The following TROAP variants were observed in gnomAD, a reference collection of about 807,000 sequenced individuals.
TROAP encodes trophinin associated protein.
TROAP carries 62 observed loss-of-function variants against 83.4 expected under a neutral mutation model. The ratio of observed to expected loss-of-function variants is 0.74; its 90% CI spans 0.61 to 0.92. TROAP has a LOEUF of 0.92. Among genes scored for constraint, TROAP ranks in the 40% least tolerant of loss-of-function variants. The pLI, the probability that TROAP is intolerant of heterozygous loss-of-function variation, is 0.00. For synonymous variants in TROAP, 352 were observed against 386.4 expected, an observed-to-expected ratio of 0.91 and a Z score of 1.04; for missense variants, 876 against 985.1, an observed-to-expected ratio of 0.89 and a Z score of 1.48.
chr12:49,330,221 G>A lies in TROAP; in HGVS notation c.1376G>A (p.Gly459Glu), dbSNP rs755439952. 1.9e-6 allele frequency: 3 copies of A among 1,614,116 alleles called. No homozygotes were observed. In the East Asian group the frequency reaches 6.7e-5, roughly 36 times the overall value. Residue 459 changes from glycine to glutamate, a missense_variant, in exon 13 of 15, where the codon GGA becomes GAA. By Grantham distance (98) the Gly-to-Glu change is moderately conservative. Transcript: ENST00000257909. ...LVGGQCVPLN[G>E]GSSLDMVELQ... ...GGGGGCCAGTGTGTCCCTCTTAATGGAGGCTCTTCTCTGGATATGGTTGAA... is the reference window on the plus strand; with the variant it reads ...GGGGGCCAGTGTGTCCCTCTTAATGAAGGCTCTTCTCTGGATATGGTTGAA...
Position 49,330,432 on chromosome 12 carries a change from T to G in TROAP, c.1587T>G (p.Ser529Arg). Residue 529 changes from serine to arginine, a missense_variant, in exon 13 of 15, where the codon AGT becomes AGG. Around this residue, in one of 3 missense-constraint regions of TROAP, gnomAD observed 689 missense variants for 722.6 expected, o/e 0.95. Transcript: ENST00000257909. Reference protein sequence around the residue: ...EPGPPEAFCRSEPEIPEPSLQ... With the variant: ...EPGPPEAFCRREPEIPEPSLQ... The stretch of plus-strand genomic sequence containing the variant: ...GGCCCCCAGAGGCCTTCTGTAGGAG[T>G]GAGCCTGAGATACCAGAGCCCTCCC... 6.2e-7 allele frequency: 1 copy of G among 1,613,360 alleles called. No homozygotes were observed. The highest frequency in any genetic ancestry group is 8.5e-7 in the Non-Finnish European group (1 of 1,179,804).
rs372620191 is a variant in TROAP at position 49,326,092 on chromosome 12, C to T, written c.650C>T (p.Pro217Leu). The change falls in exon 6 of 15, where the codon CCT (proline) becomes CTT (leucine). Residue 217 changes from proline to leucine, a missense_variant. Physicochemically the swap from Pro to Leu is moderately conservative, Grantham distance 98. Transcript: ENST00000257909. ...RLQALISPSG[P>L]SFHPSTRPSF... ...GTGGATCAGATTTCACCTTCAGGAC[C>T]TTCCTTTCACCCTTCCACTCGCCCC... The T allele has an allele frequency of 2.7e-5, 44 of 1,613,724 alleles. No homozygotes were observed. Among genetic ancestry groups the T allele is most frequent in the Non-Finnish European group, 3.6e-5 (42 of 1,180,026 alleles).
intron 3 of TROAP, chr12:49,324,288 CTGGAGGCCAGGAGT>C: frequency 7.1e-7 from 1 of 1,410,800 alleles, no homozygotes. Context: ...AGGAGGATCA[CTGGAGGCCAGGAGT>C]TGGAGACCAG....
chr12:49,326,704 G>A lies in TROAP; in HGVS notation c.753G>A (p.Glu251=). 1 of 1,562,316 alleles carries A rather than the reference G, an allele frequency of 6.4e-7. No homozygotes were observed. The highest frequency in any genetic ancestry group is 8.7e-7 in the Non-Finnish European group (1 of 1,151,794). Residue 251 remains glutamate, a synonymous_variant, in exon 7 of 15, where the codon GAG becomes GAA. Transcript: ENST00000257909. The part of the protein sequence containing the change: ...SVSQASGLLL[E]TPVQPAFSLP... ...GCCAGGCCTCAGGATTGCTCCTGGAGACCCCAGTCCAGCCTGGTAAGTGTT... is the reference window on the plus strand; with the variant it reads ...GCCAGGCCTCAGGATTGCTCCTGGAAACCCCAGTCCAGCCTGGTAAGTGTT...
chr12:49,323,496 G>C, intron 1 of TROAP, 108 bp from the exon 2 acceptor site: 4 of 1,455,298 alleles, frequency 2.7e-6, no homozygotes, highest in Non-Finnish European at 3.7e-6. Context: ...GGGCTTGTGG[G>C]CGCGTGGATT....
At chr12:49,323,419 G>T (rs751062621) in intron 1 of TROAP, 70 bp downstream of exon 1, 4 of 736,124 alleles carry the variant, frequency 5.4e-6, no homozygotes, top group Non-Finnish European at 8.6e-6. Flanking sequence ...TTTGGGGCCC[G>T]AGGGCGAAAG....
Position 49,323,368 on chromosome 12 carries a change from G to C in TROAP, c.-6+19G>C. ...CGGTAAGGTAAGGCACGGGGGTCTTGAAGGGAACGAAGGCTGCTGGGTTCA... is the reference window on the plus strand; with the variant it reads ...CGGTAAGGTAAGGCACGGGGGTCTTCAAGGGAACGAAGGCTGCTGGGTTCA... On this transcript the variant is annotated intron_variant, in intron 1 of 14. Coordinates refer to ENST00000257909, the MANE Select transcript of TROAP (RefSeq NM_005480.4). 1.9e-6 allele frequency: 1 copy of C among 534,194 alleles called. No individual in the cohort carries two copies. Among genetic ancestry groups the C allele is most frequent in the South Asian group, 2.5e-5 (1 of 39,310 alleles). 33.1% of individuals were successfully genotyped at this position (534,194 alleles called of 1,614,324 possible). A position where few individuals can be genotyped will look rare whatever the true frequency, so the allele number is the denominator to read the frequency against.
Position 49,323,648 on chromosome 12 carries a change from G to T in TROAP, c.40G>T (p.Gly14Cys), listed in dbSNP as rs1296147507. Residue 14 changes from glycine to cysteine, a missense_variant, in exon 2 of 15, where the codon GGT (glycine) becomes TGT (cysteine). Physicochemically the swap from Gly to Cys is radical, Grantham distance 159. Around this residue, in one of 3 missense-constraint regions of TROAP, gnomAD observed 689 missense variants for 722.6 expected, o/e 0.95. Transcript: ENST00000257909. ...RQATKDPLLR[G>C]VSPTPSKIPV... ...AGCCACGAAGGATCCCCTCCTCCGG[G>T]GTGTATCTCCTACCCCTAGCAAGAT... 2 of 1,614,034 alleles carry T rather than the reference G, an allele frequency of 1.2e-6. No individual in the cohort carries two copies. The highest frequency in any genetic ancestry group is 3.3e-5 in the Admixed American group (2 of 60,000).
In TROAP at chr12:49,328,820, C is replaced by T. The variant is rs139357403; in HGVS notation, c.892-107C>T. The T allele has an allele frequency of 2.9e-3, 4,192 of 1,426,688 alleles. 101 individuals are homozygous for T. In the African/African-American group the frequency reaches 0.052, roughly 18 times the overall value. The allele number at this position is 1,426,688 out of a possible 1,614,324, so 88.4% of individuals were successfully genotyped here. A position where few individuals can be genotyped will look rare whatever the true frequency, so the allele number is the denominator to read the frequency against. Reference sequence around the variant, plus strand: ...CGGAGCTTGCAGTGAGCCAAGATCGCGCCACTGGACTCCATCCTGGGTGAC... The same window carrying T: ...CGGAGCTTGCAGTGAGCCAAGATCGTGCCACTGGACTCCATCCTGGGTGAC... On this transcript the variant is annotated intron_variant, in intron 8 of 14. Transcript: ENST00000257909.
At chr12:49,325,366 T>TAAAAA in intron 3 of TROAP, 135 bp from the exon 4 acceptor site, 3 of 770,040 alleles carry the variant, frequency 3.9e-6, no homozygotes, top group Non-Finnish European at 5.7e-6. Context: ...ATCTATTTCT[T>TAAAAA]AAAAAAAAAA....
intron 3 of TROAP, chr12:49,324,398 A>G (rs930279791): frequency 1.0e-5 from 5 of 490,710 alleles, no homozygotes; most frequent in Non-Finnish European, 1.8e-5. Context: ...AGCCTTTTCC[A>G]GTTCCCCATG....
Position 49,330,469 on chromosome 12 carries a change from C to G in TROAP, c.1624C>G (p.Leu542Val), listed in dbSNP as rs755773169. 5 of 1,613,658 alleles carry G rather than the reference C, an allele frequency of 3.1e-6. No individual in the cohort carries two copies. Among genetic ancestry groups the G allele is most frequent in the Non-Finnish European group, 4.2e-6 (5 of 1,179,726 alleles). ...EIPEPSLQEQLEVPEPYPPAE... is the reference protein window; with the variant it reads ...EIPEPSLQEQVEVPEPYPPAE... ...ACCAGAGCCCTCCCTCCAGGAACAG[C>G]TTGAAGTACCAGAGCCCTACCCTCC... The change falls in exon 13 of 15, where the codon CTT (leucine) becomes GTT (valine). Residue 542 changes from leucine (L) to valine (V), a missense_variant. Leu to Val is a conservative substitution (Grantham distance 32, BLOSUM62 1). Transcript: ENST00000257909.
At position 49,323,637 on chromosome 12, in the gene TROAP, C is replaced by A; in HGVS notation, c.29C>A (p.Pro10His). The change falls in exon 2 of 15, where the codon CCC (proline) becomes CAC (histidine). Residue 10 changes from proline to histidine, a missense_variant. By Grantham distance (77) the Pro-to-His change is moderately conservative. Transcript: ENST00000257909. ...ACCACCCGGCAAGCCACGAAGGATC[C>A]CCTCCTCCGGGGTGTATCTCCTACC... is the stretch of plus-strand genomic sequence containing the variant. MTTRQATKD[P>H]LLRGVSPTPS... 3 of 1,614,026 alleles carry A rather than the reference C, an allele frequency of 1.9e-6. No individual in the cohort carries two copies. Among genetic ancestry groups the A allele is most frequent in the Non-Finnish European group, 2.5e-6 (3 of 1,179,992 alleles).
In TROAP at chr12:49,325,738, G is replaced by T. The variant is rs745864499; in HGVS notation, c.496-9G>T. On this transcript the variant is annotated splice_polypyrimidine_tract_variant and intron_variant, in intron 4 of 14. Coordinates refer to ENST00000257909, the MANE Select transcript of TROAP (RefSeq NM_005480.4). ...TGAGCAGTGCTGACAGCCTCTGTTG[G>T]TGTCCCAGGGTGTTCGGGCCTCTGC... The T allele has an allele frequency of 1.9e-6, 3 of 1,613,344 alleles. No individual in the cohort carries two copies. In the South Asian group the frequency reaches 3.3e-5, roughly 18 times the overall value.
chr12:49,325,744 C>T lies in TROAP; in HGVS notation c.496-3C>T. ...GTGCTGACAGCCTCTGTTGGTGTCC[C>T]AGGGTGTTCGGGCCTCTGCATATTT... On this transcript the variant is annotated splice_region_variant and splice_polypyrimidine_tract_variant and intron_variant, in intron 4 of 14. Coordinates refer to ENST00000257909, the MANE Select transcript of TROAP (RefSeq NM_005480.4). 6.2e-7 allele frequency: 1 copy of T among 1,613,506 alleles called. No individual in the cohort carries two copies. Among genetic ancestry groups the T allele is most frequent in the Non-Finnish European group, 8.5e-7 (1 of 1,179,740 alleles).
chr12:49,323,991 T>C lies in TROAP; in HGVS notation c.291T>C (p.Pro97=). ...QPRNPLEELR[P]SPRGQNVGPG... is the part of the protein sequence containing the mutation. ...GGAACCCCTTGGAAGAGCTCAGGCCTAGCCCTAGGGGTCAAAATGTGGGGC... is the reference window on the plus strand; with the variant it reads ...GGAACCCCTTGGAAGAGCTCAGGCCCAGCCCTAGGGGTCAAAATGTGGGGC... Residue 97 remains proline, a synonymous_variant, in exon 3 of 15, where the codon CCT becomes CCC. Transcript: ENST00000257909. 1.2e-6 allele frequency: 2 copies of C among 1,614,174 alleles called. No homozygotes were observed. The highest frequency in any genetic ancestry group is 1.7e-5 in the Admixed American group (1 of 60,012).
At position 49,327,269 on chromosome 12, in the gene TROAP, C is replaced by T; in HGVS notation, c.830C>T (p.Ala277Val). ...VVTHSDEGGV[A>V]SLGLAQRVPL... ...ACTCACTCAGATGAAGGAGGTGTGG[C>T]CTCTCTTGGTCTGGCCCAGCGAGTA... The change falls in exon 8 of 15, where the codon GCC becomes GTC. Residue 277 changes from alanine (A) to valine (V), a missense_variant. Ala to Val is a moderately conservative substitution (Grantham distance 64). Transcript: ENST00000257909. The T allele has an allele frequency of 6.2e-7, 1 of 1,614,196 alleles. No homozygotes were observed.
chr12:49,329,328 G>T lies in TROAP; in HGVS notation c.1105-67G>T. ...GGATGGGTACAGGAGAGAGAAGACA[G>T]AAGCAAGGGGAGGCTGAGTGCCATC... On this transcript the variant is annotated intron_variant, in intron 10 of 14. Coordinates refer to ENST00000257909, the MANE Select transcript of TROAP (RefSeq NM_005480.4). This position sits in a 1 kb window ranked among gnomAD's most constrained non-coding sequence, Gnocchi z 4.5. 1 of 1,613,014 alleles carries T rather than the reference G, an allele frequency of 6.2e-7. No individual in the cohort carries two copies. Among genetic ancestry groups the T allele is most frequent in the Admixed American group, 1.7e-5 (1 of 60,016 alleles).
Position 49,325,849 on chromosome 12 carries a change from G to A in TROAP, c.598G>A (p.Gly200Ser). The A allele has an allele frequency of 6.2e-7, 1 of 1,613,970 alleles. No homozygotes were observed. The highest frequency in any genetic ancestry group is 8.5e-7 in the Non-Finnish European group (1 of 1,180,036). The change falls in exon 5 of 15, where the codon GGC (glycine) becomes AGC (serine). Residue 200 changes from glycine (G) to serine (S), a missense_variant. Transcript: ENST00000257909. ...TAGGCTGGAGGGACCAGGACCTCGA[G>A]GCCGGACATTGTGCCCCCAGAGGCT... ...FSRLEGPGPR[G>S]RTLCPQRLQA...
Sources: gnomAD v4.1 joint callset for allele counts on GRCh38, gnomAD v4.1.1 for gene constraint, gnomAD v4.1.1 regional missense constraint, Gnocchi (gnomAD v3.1) non-coding constraint, MANE v1.5 for transcripts, NCBI Gene and HGNC (gene_info 2026-07-23, HGNC 2026-07-21) for gene names.